Variants in KLF12 observed in about 807,000 individuals in gnomAD.
KLF12 encodes KLF transcription factor 12.
KLF12 carries 9 observed loss-of-function variants against 37.8 expected under a neutral mutation model. The ratio of observed to expected loss-of-function variants is 0.24; its 90% CI spans 0.14 to 0.42. The LOEUF (loss-of-function observed/expected upper bound fraction) is 0.42. Ranked by LOEUF, KLF12 falls within the 10% of genes least tolerant of loss-of-function variation. KLF12 has a pLI of 1.00. For synonymous variants in KLF12, 208 were observed against 202.1 expected, an observed-to-expected ratio of 1.03 and a Z score of -0.25; for missense variants, 411 against 516.0, an observed-to-expected ratio of 0.80 and a Z score of 1.97.
the KLF12 span, among the ~76,000 whole-genome samples, chr13:74,260,574 T>A: frequency 9.0e-5 from 9 of 100,324 alleles, no homozygotes; most frequent in South Asian, 6.5e-4. Context: ...TAAAATAAAA[T>A]AAATAAAATA....
At chr13:74,084,502 C>T (rs117018156) in intron 1 of KLF12, among the ~76,000 whole-genome samples, 7 of 152,228 alleles carry the variant, frequency 4.6e-5, no homozygotes, top group African/African-American at 9.6e-5. Context: ...GAAGTCACCA[C>T]GAAACATTTA....
chr13:74,286,719 T>C, the KLF12 span, among the ~76,000 whole-genome samples: 1 of 152,220 alleles, frequency 6.6e-6, no homozygotes, highest in East Asian at 1.9e-4. Flanking sequence ...AAAATCAGCA[T>C]CTGTGGTGTT....
chr13:74,056,524 G>A (rs182405769), intron 1 of KLF12, among the ~76,000 whole-genome samples: 55 of 152,312 alleles, frequency 3.6e-4, no homozygotes, highest in Non-Finnish European at 6.5e-4. Flanking sequence ...GAGTGCATGA[G>A]AATTCGATTT....
chr13:73,817,673 C>T (rs773380396), intron 4 of KLF12, among the ~76,000 whole-genome samples: 7 of 152,188 alleles, frequency 4.6e-5, no homozygotes, highest in Non-Finnish European at 7.3e-5. Context: ...AGCTGAGTTT[C>T]GGTCAATCAA....
At chr13:73,880,477 T>C (rs1208555857) in intron 3 of KLF12, among the ~76,000 whole-genome samples, 1 of 152,184 alleles carries the variant, frequency 6.6e-6, no homozygotes, top group African/African-American at 2.4e-5. Flanking sequence ...TAAACATCTA[T>C]GTAGAGTCTT....
At chr13:74,005,212 A>G (rs905094909) in intron 1 of KLF12, among the ~76,000 whole-genome samples, 4 of 152,138 alleles carry the variant, frequency 2.6e-5, no homozygotes, top group Admixed American at 2.6e-4. Flanking sequence ...AAGGTAACCA[A>G]ATAATAAAGA....
At chr13:73,953,621 T>C (rs17288724) in intron 2 of KLF12, among the ~76,000 whole-genome samples, 12,263 of 152,294 alleles carry the variant, frequency 0.081, 664 homozygotes, top group Non-Finnish European at 0.11. Context: ...TATTAAGTCA[T>C]ATATTTTCTG....
In KLF12 at chr13:73,943,996, C is replaced by G. The variant is rs376042261; in HGVS notation, c.108G>C (p.Leu36Phe). Residue 36 changes from leucine (L) to phenylalanine (F), a missense_variant, in exon 3 of 8, where the codon TTG (leucine) becomes TTC (phenylalanine). Coordinates refer to ENST00000377669, the MANE Select transcript of KLF12 (RefSeq NM_007249.5). ...TTGTGCTTACCCCTTGTTCAGATTC[C>G]AAAAGCTCTGTTTTGACTCTGACTG... The G allele has an allele frequency of 5.6e-6, 9 of 1,611,448 alleles. No individual in the cohort carries two copies. The highest frequency in any genetic ancestry group is 1.7e-4 in the Middle Eastern group (1 of 6,058).
At chr13:73,827,257 TG>T (rs1883900980) in intron 4 of KLF12, among the ~76,000 whole-genome samples, 1 of 152,234 alleles carries the variant, frequency 6.6e-6, no homozygotes, top group African/African-American at 2.4e-5. Context: ...CAAATGCTGC[TG>T]TAACTTTCTT....
At chr13:74,097,275 G>C (rs1281528227) in intron 1 of KLF12, among the ~76,000 whole-genome samples, 2 of 152,146 alleles carry the variant, frequency 1.3e-5, no homozygotes, top group Non-Finnish European at 2.9e-5. Context: ...GGCATCCTTA[G>C]AAAGTTTAAT....
the KLF12 span, among the ~76,000 whole-genome samples, chr13:74,191,949 T>G: frequency 6.6e-6 from 1 of 152,182 alleles, no homozygotes; most frequent in African/African-American, 2.4e-5. Flanking sequence ...AGAGAAATTG[T>G]GAATGACTGA....
chr13:73,940,089 C>T (rs1482439025), intron 3 of KLF12, among the ~76,000 whole-genome samples: 3 of 152,160 alleles, frequency 2.0e-5, no homozygotes, highest in Admixed American at 1.3e-4. Context: ...ATCTCTGGGG[C>T]AGTATCCTCT....
chr13:73,868,329 G>C (rs1398607780), intron 3 of KLF12, among the ~76,000 whole-genome samples: 1 of 84,160 alleles, frequency 1.2e-5, no homozygotes, highest in Non-Finnish European at 2.4e-5. Flanking sequence ...GGGGGCGGTG[G>C]GGGGGGGGGG....
chr13:74,285,953 G>C, the KLF12 span, among the ~76,000 whole-genome samples: 1 of 152,026 alleles, frequency 6.6e-6, no homozygotes, highest in East Asian at 1.9e-4. Flanking sequence ...TCTTCCTACA[G>C]TATTTCACAG....
chr13:74,101,255 T>C (rs1876325070), intron 1 of KLF12, among the ~76,000 whole-genome samples: 1 of 152,090 alleles, frequency 6.6e-6, no homozygotes, highest in Non-Finnish European at 1.5e-5. Flanking sequence ...TCCCTCACTT[T>C]CTCCTCTCCC....
At chr13:73,862,723 A>C (rs1189577424) in intron 3 of KLF12, among the ~76,000 whole-genome samples, 1 of 152,212 alleles carries the variant, frequency 6.6e-6, no homozygotes, top group Non-Finnish European at 1.5e-5. Flanking sequence ...CTAAGAAAAC[A>C]ACAACTGTAC....
At chr13:73,910,752 A>C (rs984525348) in intron 3 of KLF12, among the ~76,000 whole-genome samples, 2 of 152,220 alleles carry the variant, frequency 1.3e-5, no homozygotes, top group African/African-American at 4.8e-5. Context: ...ACTCATGTTG[A>C]AATTTAATGC....
chr13:74,095,986 C>T (rs1233705656), intron 1 of KLF12, among the ~76,000 whole-genome samples: 1 of 151,784 alleles, frequency 6.6e-6, no homozygotes, highest in Non-Finnish European at 1.5e-5. Flanking sequence ...AAGTAGTGGT[C>T]TCTCCACCTA....
intron 3 of KLF12, among the ~76,000 whole-genome samples, chr13:73,864,230 T>C (rs950289234): frequency 1.3e-5 from 2 of 152,118 alleles, no homozygotes; most frequent in Non-Finnish European, 2.9e-5. Context: ...GCAGATATCC[T>C]GATTTGTATA....
Sources: gnomAD v4.1 joint callset for allele counts (sites outside exome capture counted in the v4.1 genomes callset) on GRCh38, gnomAD v4.1.1 for gene constraint, MANE v1.5 for transcripts, NCBI Gene and HGNC (gene_info 2026-07-23, HGNC 2026-07-21) for gene names.